ERBB4: variants seen among roughly 807,000 people sequenced by gnomAD.
ERBB4 encodes erb-b2 receptor tyrosine kinase 4.
A neutral mutation model predicts 158.0 loss-of-function variants in ERBB4; 42 were observed. The ratio of observed to expected loss-of-function variants is 0.27; its 90% CI spans 0.21 to 0.34. The LOEUF is 0.34. ERBB4 is among the 10% of genes least tolerant of loss of function. The pLI, the probability that ERBB4 is intolerant of heterozygous loss-of-function variation, is 1.00. For missense variants in ERBB4, 1,333 were observed against 1,624.1 expected (o/e 0.82, Z 3.08); for synonymous variants, 583 against 558.7 (o/e 1.04, Z -0.61).
chr2:211,932,903 T>C (rs920402547), intron 3 of ERBB4, among the ~76,000 whole-genome samples: 1 of 152,058 alleles, frequency 6.6e-6, no homozygotes, highest in African/African-American at 2.4e-5. Flanking sequence ...TTTTACATTA[T>C]TTTATATTTA....
At chr2:211,601,528 T>G (rs1418124540) in intron 19 of ERBB4, among the ~76,000 whole-genome samples, 2 of 150,612 alleles carry the variant, frequency 1.3e-5, no homozygotes, top group East Asian at 3.9e-4. Context: ...TGCTTGGAAA[T>G]TTTGGAAATA....
rs79859513 is a variant in ERBB4 at position 211,971,802 on chromosome 2, A to G, written c.235-24186T>C. ...AAACAGAACTAAAGGCAAAAATTAC[A>G]TGATTATTAATATCTCAATAGAAGC... On this transcript the variant is annotated intron_variant, in intron 2 of 27. Coordinates refer to ENST00000342788, the MANE Select transcript of ERBB4 (RefSeq NM_005235.3). Among the ~76,000 whole-genome samples the G allele has an allele frequency of 1.1e-3, 171 of 152,238 alleles. 1 individual carries two copies. The highest frequency in any genetic ancestry group is 3.5e-3 in the African/African-American group (145 of 41,580).
At chr2:212,384,602 C>A (rs1451961326) in intron 1 of ERBB4, among the ~76,000 whole-genome samples, 1 of 151,528 alleles carries the variant, frequency 6.6e-6, no homozygotes, top group Non-Finnish European at 1.5e-5. Flanking sequence ...CATTTAATAG[C>A]TACATTTTAG....
intron 20 of ERBB4, among the ~76,000 whole-genome samples, chr2:211,507,298 C>A (rs374626286): frequency 6.6e-6 from 1 of 152,130 alleles, no homozygotes; most frequent in Non-Finnish European, 1.5e-5. Flanking sequence ...AGAGCTAGTA[C>A]CTGTCCTACT....
intron 1 of ERBB4, among the ~76,000 whole-genome samples, chr2:212,256,403 G>T (rs1011622368): frequency 6.6e-6 from 1 of 151,950 alleles, no homozygotes; most frequent in Non-Finnish European, 1.5e-5. Flanking sequence ...CCTCTTGTTG[G>T]ACTGTAATGA....
chr2:211,979,816 C>G (rs978573932), intron 2 of ERBB4, among the ~76,000 whole-genome samples: 4 of 152,142 alleles, frequency 2.6e-5, no homozygotes, highest in African/African-American at 9.7e-5. Context: ...TTCTTACTAT[C>G]TGGATCAATC....
chr2:211,571,839 T>C (rs1232413229), intron 19 of ERBB4, among the ~76,000 whole-genome samples: 1 of 152,198 alleles, frequency 6.6e-6, no homozygotes, highest in African/African-American at 2.4e-5. Context: ...CGTATTTCAA[T>C]TGCTTTCTCA....
At chr2:211,629,516 T>C (rs1409586172) in intron 17 of ERBB4, among the ~76,000 whole-genome samples, 1 of 152,134 alleles carries the variant, frequency 6.6e-6, no homozygotes. Flanking sequence ...AAGCTACCAA[T>C]GACTTTCTTC....
rs559167534 is a variant in ERBB4, at chr2:211,569,462, T to C, written c.2302-7374A>G. Among the ~76,000 whole-genome samples, 6 of 152,310 alleles carry C rather than the reference T, an allele frequency of 3.9e-5. No individual in the cohort carries two copies. In the South Asian group the frequency reaches 1.2e-3, roughly 32 times the overall value. On this transcript the variant is annotated intron_variant, in intron 19 of 27. Transcript: ENST00000342788. ...CTTTCATTCTACCTGGAGAGGCAACTAGTAAACAGGAAAGCCAAATAAACA... is the reference window on the plus strand; with the variant it reads ...CTTTCATTCTACCTGGAGAGGCAACCAGTAAACAGGAAAGCCAAATAAACA...
chr2:212,062,487 A>C (rs1425633559), intron 2 of ERBB4, among the ~76,000 whole-genome samples: 1 of 135,818 alleles, frequency 7.4e-6, no homozygotes, highest in Admixed American at 8.7e-5. Context: ...GGCTCACTGC[A>C]ATCTCCAGCT....
chr2:211,842,140 T>C (rs1490589535), intron 3 of ERBB4, among the ~76,000 whole-genome samples: 1 of 152,056 alleles, frequency 6.6e-6, no homozygotes, highest in African/African-American at 2.4e-5. Flanking sequence ...TTAAAGTTAG[T>C]AATTAAAACA....
chr2:212,224,022 C>A (rs1574468095), intron 1 of ERBB4, among the ~76,000 whole-genome samples: 1 of 151,850 alleles, frequency 6.6e-6, no homozygotes, highest in East Asian at 1.9e-4. Context: ...CAAAATTTTA[C>A]AAAATTTTTA....
At chr2:212,213,815 T>C (rs1247464622) in intron 1 of ERBB4, among the ~76,000 whole-genome samples, 2 of 151,852 alleles carry the variant, frequency 1.3e-5, no homozygotes, top group East Asian at 3.9e-4. Context: ...TTAATTGCTT[T>C]CTATTTTAGG....
chr2:211,897,715 T>C (rs918545733), intron 3 of ERBB4, among the ~76,000 whole-genome samples: 1 of 152,052 alleles, frequency 6.6e-6, no homozygotes, highest in Non-Finnish European at 1.5e-5. Flanking sequence ...GGGAAGATTC[T>C]GTTTGCTTTT....
At chr2:211,455,817 C>T (rs2064367618) in intron 20 of ERBB4, among the ~76,000 whole-genome samples, 1 of 152,122 alleles carries the variant, frequency 6.6e-6, no homozygotes, top group African/African-American at 2.4e-5. Context: ...CTCTCAAATG[C>T]TCCACAATTT....
chr2:211,978,030 G>T (rs10185911), intron 2 of ERBB4, among the ~76,000 whole-genome samples: 1 of 149,996 alleles, frequency 6.7e-6, no homozygotes, highest in Non-Finnish European at 1.5e-5. Context: ...CTGCATCCTA[G>T]ATGTATAATA....
At chr2:212,036,008 T>C (rs1196916835) in intron 2 of ERBB4, among the ~76,000 whole-genome samples, 1 of 152,222 alleles carries the variant, frequency 6.6e-6, no homozygotes, top group Non-Finnish European at 1.5e-5. Context: ...GGTAAACATT[T>C]ATAAGATATA....
chr2:212,192,042 AT>A (rs2082276672), intron 1 of ERBB4, among the ~76,000 whole-genome samples: 2 of 48,802 alleles, frequency 4.1e-5, no homozygotes, highest in Non-Finnish European at 1.3e-4. Context: ...TATATGTTAT[AT>A]ATATGTTATA....
chr2:211,579,085 A>T (rs1031581933), intron 19 of ERBB4, among the ~76,000 whole-genome samples: 2 of 152,172 alleles, frequency 1.3e-5, no homozygotes, highest in African/African-American at 4.8e-5. Flanking sequence ...ATCTACAAAG[A>T]ATTTAAACAA....
Sources: gnomAD v4.1 joint callset for allele counts (sites outside exome capture counted in the v4.1 genomes callset) on GRCh38, gnomAD v4.1.1 for gene constraint, MANE v1.5 for transcripts, NCBI Gene and HGNC (gene_info 2026-07-23, HGNC 2026-07-21) for gene names.